C19orf25: variants seen among roughly 807,000 people sequenced by gnomAD.
The protein encoded by C19orf25 is chromosome 19 open reading frame 25.
C19orf25 carries 1 observed loss-of-function variant against 3.1 expected under a neutral mutation model. The observed-to-expected ratio is 0.32, with a 90% CI of 0.12 to 1.54. The LOEUF is 1.54. Ranked by LOEUF, C19orf25 falls within the 40% of genes most tolerant of loss-of-function variation. C19orf25 has a pLI of 0.38. For synonymous variants in C19orf25, 91 were observed against 74.3 expected, an observed-to-expected ratio of 1.23 and a Z score of -1.16; for missense variants, 196 against 160.4, an observed-to-expected ratio of 1.22 and a Z score of -1.20.
chr19:1,476,149 G>A (rs1010833739), intron 2 of C19orf25: 6 of 398,566 alleles, frequency 1.5e-5, no homozygotes, highest in Non-Finnish European at 2.7e-5. Context: ...GTGCAGCAGG[G>A]CTGAAGCAGC....
rs1045993859 is a variant in C19orf25, at chr19:1,479,110, C to A, written c.-3+53G>T. On this transcript the variant is annotated intron_variant, in intron 1 of 2. Coordinates refer to ENST00000585675, the MANE Select transcript of C19orf25 (RefSeq NM_152482.3). ...GTGGCCAAGGCTTCAGGGTCTGGCT[C>A]AACCTCTGCCTCAGTTTCCCCGCGG... The A allele has an allele frequency of 3.8e-6, 5 of 1,332,308 alleles. No individual in the cohort carries two copies. In the African/African-American group the frequency reaches 6.2e-5, roughly 16 times the overall value. The allele number at this position is 1,332,308 out of a possible 1,614,324, so 82.5% of individuals were successfully genotyped here. A position where few individuals can be genotyped will look rare whatever the true frequency, so the allele number is the denominator to read the frequency against.
intron 2 of C19orf25, chr19:1,476,263 G>C (rs2084204651): frequency 2.5e-6 from 1 of 398,678 alleles, no homozygotes; most frequent in South Asian, 1.3e-4. Context: ...TGCCGCACGG[G>C]TCTGGGCTGA....
At chr19:1,478,727 T>G (rs747290740) in intron 2 of C19orf25, 47 bp downstream of exon 2, 4 of 1,537,128 alleles carry the variant, frequency 2.6e-6, no homozygotes, top group Non-Finnish European at 3.5e-6. Flanking sequence ...GTCCCCTTGC[T>G]GCCGGGGTCT....
rs200704403 is a variant in C19orf25, at chr19:1,475,054, G to A, written c.335C>T (p.Ala112Val). Residue 112 changes from alanine (A) to valine (V), a missense_variant, in exon 3 of 3, where the codon GCC (alanine) becomes GTC (valine). Physicochemically the swap from Ala to Val is moderately conservative, Grantham distance 64. Coordinates refer to ENST00000585675, the MANE Select transcript of C19orf25 (RefSeq NM_152482.3). ...AQMKQAALPA[A>V]EAASSG ...AGGTCAGCCTGAGGAGGCAGCCTCG[G>A]CTGCCGGTAATGCTGCCTGCTTCAT... 43 of 1,596,786 alleles carry A rather than the reference G, an allele frequency of 2.7e-5. No individual in the cohort carries two copies. The highest frequency in any genetic ancestry group is 3.7e-5 in the Non-Finnish European group (43 of 1,173,958).
Position 1,475,236 on chromosome 19 carries a change from C to T in C19orf25, c.153G>A (p.Met51Ile). ...APEDPPVPFR[M>I]MEDAEAPGEQ... ...CTCCCGGGGCCTCCGCATCCTCCAT[C>T]ATCCTGAAGGGAACTGGGGGGTCTG... The change falls in exon 3 of 3, where the codon ATG becomes ATA. Residue 51 changes from methionine (M) to isoleucine (I), a missense_variant. Physicochemically the swap from Met to Ile is conservative, Grantham distance 10. Coordinates refer to ENST00000585675, the MANE Select transcript of C19orf25 (RefSeq NM_152482.3). 6.4e-7 allele frequency: 1 copy of T among 1,557,186 alleles called. No individual in the cohort carries two copies. The highest frequency in any genetic ancestry group is 8.7e-7 in the Non-Finnish European group (1 of 1,150,908).
intron 2 of C19orf25, 179 bp downstream of exon 2, chr19:1,478,595 C>T (rs1198591777): frequency 7.1e-7 from 1 of 1,400,324 alleles, no homozygotes; most frequent in African/African-American, 1.5e-5. Flanking sequence ...CAGAAGAACC[C>T]TCTGAAAATC....
chr19:1,476,377 C>T (rs1430272798), intron 2 of C19orf25: 47 of 398,166 alleles, frequency 1.2e-4, no homozygotes, highest in Middle Eastern at 6.2e-4. Context: ...GAGCGCCCCC[C>T]GTCCCCCGCA....
chr19:1,475,392 A>C (rs166451), intron 2 of C19orf25, 134 bp from the exon 3 acceptor site: 70,068 of 875,870 alleles, frequency 0.08, 7,429 homozygotes, highest in African/African-American at 0.44. Flanking sequence ...TCTTAACATG[A>C]CGGATGCAGC....
At chr19:1,479,009 C>T (rs1217459375) in intron 1 of C19orf25, 104 bp from the exon 2 acceptor site, 4 of 1,420,112 alleles carry the variant, frequency 2.8e-6, no homozygotes, top group Non-Finnish European at 3.7e-6. Context: ...CGCGGTCCCG[C>T]TCCCGGGGAA....
rs1056081828 is a variant in C19orf25 at position 1,474,860 on chromosome 19, G to A, written c.*172C>T. 24 of 1,481,196 alleles carry A rather than the reference G, an allele frequency of 1.6e-5. No individual in the cohort carries two copies. The highest frequency in any genetic ancestry group is 1.3e-4 in the African/African-American group (9 of 71,392). 91.8% of individuals were successfully genotyped at this position (1,481,196 alleles called of 1,614,324 possible). ...CCAGCTGGGTGGGTCCCACCAACTC[G>A]GCATGAATGAGACGACGGATGAACC... On this transcript the variant is annotated 3_prime_UTR_variant, in exon 3 of 3. Coordinates refer to ENST00000585675, the MANE Select transcript of C19orf25 (RefSeq NM_152482.3).
In C19orf25 at chr19:1,474,927, G is replaced by A. The variant is rs368438300; in HGVS notation, c.*105C>T. 247 of 1,526,344 alleles carry A rather than the reference G, an allele frequency of 1.6e-4. No individual in the cohort carries two copies. The highest frequency in any genetic ancestry group is 2.0e-4 in the Non-Finnish European group (227 of 1,139,340). 94.6% of individuals were successfully genotyped at this position (1,526,344 alleles called of 1,614,324 possible). ...GAGGGGCGCCTGTGTCAACACCCAC[G>A]TGGGCTGGGACCCCGTGAATGCCAG... On this transcript the variant is annotated 3_prime_UTR_variant, in exon 3 of 3. Coordinates refer to ENST00000585675, the MANE Select transcript of C19orf25 (RefSeq NM_152482.3).
rs1387406377 is a variant in C19orf25, at chr19:1,473,773, T to C, written c.*1259A>G. On this transcript the variant is annotated 3_prime_UTR_variant, in exon 3 of 3. Coordinates refer to ENST00000585675, the MANE Select transcript of C19orf25 (RefSeq NM_152482.3). ...CACAGAAGTGCAGGGTGGGAAGGGA[T>C]GGCAGGAGCCGGCCCCCTCCCCACC... 1 of 152,402 alleles carries C rather than the reference T, an allele frequency of 6.6e-6. No homozygotes were observed. The highest frequency in any genetic ancestry group is 1.5e-5 in the Non-Finnish European group (1 of 68,182). 9.4% of individuals were successfully genotyped at this position (152,402 alleles called of 1,614,324 possible).
chr19:1,475,422 C>G (rs2084195760), intron 2 of C19orf25, 164 bp from the exon 3 acceptor site: 1 of 699,660 alleles, frequency 1.4e-6, no homozygotes. Context: ...TGGCTCACGC[C>G]TGTAATCCAG....
intron 2 of C19orf25, chr19:1,478,376 G>A (rs867253709): frequency 2.8e-6 from 1 of 362,122 alleles, no homozygotes; most frequent in Middle Eastern, 7.2e-4. Context: ...GAGTAGCTGA[G>A]ATTACAGGCG....
chr19:1,477,415 G>A (rs2084216500), intron 2 of C19orf25, among the ~76,000 whole-genome samples: 2 of 152,204 alleles, frequency 1.3e-5, no homozygotes, highest in African/African-American at 4.8e-5. Context: ...CAGCACACAG[G>A]AAGTGCTCAA....
rs1447399021 is a variant in C19orf25, at chr19:1,475,216, G to C, written c.173C>G (p.Pro58Arg). Reference sequence around the variant, plus strand: ...GCTTTGCTGGTAGAGCTGCTCTCCCGGGGCCTCCGCATCCTCCATCATCCT... The same window carrying C: ...GCTTTGCTGGTAGAGCTGCTCTCCCCGGGCCTCCGCATCCTCCATCATCCT... ...PFRMMEDAEA[P>R]GEQLYQQSRA... Residue 58 changes from proline to arginine, a missense_variant, in exon 3 of 3, where the codon CCG becomes CGG. Transcript: ENST00000585675. 1.3e-6 allele frequency: 2 copies of C among 1,562,406 alleles called. No homozygotes were observed. Among genetic ancestry groups the C allele is most frequent in the South Asian group, 1.2e-5 (1 of 84,870 alleles).
chr19:1,475,508 C>A, intron 2 of C19orf25: 5 of 478,096 alleles, frequency 1.0e-5, no homozygotes, highest in Non-Finnish European at 1.9e-5. Context: ...TAGTGACACC[C>A]CCATCTCTAC....
At chr19:1,475,330 C>A (rs2084194465) in intron 2 of C19orf25, 72 bp from the exon 3 acceptor site, 1 of 1,425,888 alleles carries the variant, frequency 7.0e-7, no homozygotes, top group Non-Finnish European at 9.4e-7. Flanking sequence ...ACTACTGCCC[C>A]CAAAGGGCAG....
At chr19:1,475,605 C>T (rs1425482798) in intron 2 of C19orf25, 7 of 258,214 alleles carry the variant, frequency 2.7e-5, no homozygotes, top group South Asian at 1.9e-4. Context: ...AGGAGGATCG[C>T]TTGAGACTGG....
Sources: allele counts gnomAD v4.1 joint callset (sites outside exome capture counted in the v4.1 genomes callset), GRCh38; gene constraint gnomAD v4.1.1; transcripts MANE v1.5; gene names NCBI Gene and HGNC (gene_info 2026-07-23, HGNC 2026-07-21).